The following UTP20 variants were observed in gnomAD, a reference collection of about 807,000 sequenced individuals.
UTP20 encodes UTP20 small subunit processome component, also known as small subunit processome component 20 homolog.
In UTP20, 164 loss-of-function variants were observed where a neutral mutation model predicts 329.5. The ratio of observed to expected loss-of-function variants is 0.50; its 90% CI spans 0.44 to 0.57. UTP20 has a LOEUF of 0.57. UTP20 is among the 20% of genes least tolerant of loss of function. UTP20 has a pLI of 0.00. For missense variants in UTP20, 3,055 were observed against 3,284.2 expected (o/e 0.93, Z 1.71); for synonymous variants, 1,151 against 1,159.3 (o/e 0.99, Z 0.14).
At chr12:101,344,350 T>C (rs2120942455) in intron 35 of UTP20, among the ~76,000 whole-genome samples, 1 of 152,330 alleles carries the variant, frequency 6.6e-6, no homozygotes, top group Middle Eastern at 3.4e-3. Context: ...ACAAGGACAT[T>C]TCATAGTGCT....
intron 17 of UTP20, among the ~76,000 whole-genome samples, chr12:101,307,920 T>C (rs1565789697): frequency 6.6e-6 from 1 of 152,196 alleles, no homozygotes; most frequent in Non-Finnish European, 1.5e-5. Context: ...TTTCAACAAA[T>C]GTTGCCAATC....
At chr12:101,285,949 A>G in intron 4 of UTP20, 68 bp downstream of exon 4, 1 of 1,581,612 alleles carries the variant, frequency 6.3e-7, no homozygotes, top group South Asian at 1.2e-5. Flanking sequence ...TTGTGTTTCA[A>G]AGCTACATAT....
Position 101,345,701 on chromosome 12 carries a change from G to GA in UTP20, c.4746+8dup, listed in dbSNP as rs149732654. ...GAACATGAAGCACATTCAGGTAGAAGACAATTCTGCTTTTTCCTACCTACG... is the reference window on the plus strand; with the variant it reads ...GAACATGAAGCACATTCAGGTAGAAGAACAATTCTGCTTTTTCCTACCTACG... On this transcript the variant is annotated splice_region_variant and intron_variant, in intron 37 of 61. Coordinates refer to ENST00000261637, the MANE Select transcript of UTP20 (RefSeq NM_014503.3). 300 of 1,603,862 alleles carry GA rather than the reference G, an allele frequency of 1.9e-4. No homozygotes were observed. The African/African-American group carries it at 3.8e-3, about 20-fold the overall frequency.
At chr12:101,303,892 G>A (rs1872589454) in intron 15 of UTP20, among the ~76,000 whole-genome samples, 2 of 152,200 alleles carry the variant, frequency 1.3e-5, no homozygotes, top group African/African-American at 4.8e-5. Flanking sequence ...ACTTCCTGTA[G>A]AGAGGATTAG....
chr12:101,365,072 T>TTGTGTGTGTGTGTGTGTGTG (rs60890980), intron 45 of UTP20, among the ~76,000 whole-genome samples: 9 of 141,914 alleles, frequency 6.3e-5, no homozygotes, highest in African/African-American at 1.4e-4. Flanking sequence ...ATTTTGTTGA[T>TTGTGTGTGTGTGTGTGTGTG]TGTGTGTGTG....
intron 21 of UTP20, among the ~76,000 whole-genome samples, chr12:101,312,545 G>A (rs1259813595): frequency 6.6e-6 from 1 of 152,162 alleles, no homozygotes; most frequent in African/African-American, 2.4e-5. Flanking sequence ...AGATTCAAGC[G>A]ATTCTCCTGC....
intron 27 of UTP20, 39 bp from the exon 28 acceptor site, chr12:101,333,261 TA>T: frequency 4.4e-6 from 7 of 1,594,908 alleles, no homozygotes; most frequent in Non-Finnish European, 6.0e-6. Context: ...ATAAAAATGA[TA>T]CATATGTATT....
At chr12:101,363,088 A>G (rs779327829) in intron 44 of UTP20, among the ~76,000 whole-genome samples, 2 of 104,598 alleles carry the variant, frequency 1.9e-5, no homozygotes, top group Non-Finnish European at 3.1e-5. Context: ...AGCTGAGATC[A>G]TGCCACTGCA....
intron 38 of UTP20, among the ~76,000 whole-genome samples, chr12:101,346,934 A>G (rs1869344319): frequency 6.6e-6 from 1 of 152,208 alleles, no homozygotes; most frequent in Non-Finnish European, 1.5e-5. Flanking sequence ...CAAATGATTT[A>G]CAAGAAATGA....
chr12:101,334,596 G>GT, intron 29 of UTP20, 92 bp downstream of exon 29: 2 of 1,070,852 alleles, frequency 1.9e-6, no homozygotes, highest in Non-Finnish European at 1.3e-6. Flanking sequence ...GTAATTTATG[G>GT]TCTTTCCATA....
rs761931846 is a variant in UTP20 at position 101,300,070 on chromosome 12, C to G, written c.1675+9C>G. ...AGGAAGCTTTGGGAAAGGTCAGTTACAATCATCATGTGTTCTCTTCTCTTC... is the reference window on the plus strand; with the variant it reads ...AGGAAGCTTTGGGAAAGGTCAGTTAGAATCATCATGTGTTCTCTTCTCTTC... On this transcript the variant is annotated intron_variant, in intron 14 of 61. Coordinates refer to ENST00000261637, the MANE Select transcript of UTP20 (RefSeq NM_014503.3). 5.0e-5 allele frequency: 81 copies of G among 1,612,066 alleles called. No individual in the cohort carries two copies. Among genetic ancestry groups the G allele is most frequent in the Non-Finnish European group, 6.7e-5 (79 of 1,178,210 alleles).
chr12:101,371,140 G>A lies in UTP20; in HGVS notation c.6770G>A (p.Ser2257Asn), dbSNP rs768579024. Reference protein sequence around the residue: ...KVSKLAVSAQSEPARVQCRQV... With the variant: ...KVSKLAVSAQNEPARVQCRQV... The stretch of plus-strand genomic sequence containing the variant: ...TCCAAGTTGGCAGTCTCTGCACAAA[G>A]CGAACCTGCCAGGGTCCAGTGTAGA... Residue 2257 changes from serine to asparagine, a missense_variant, in exon 51 of 62, where the codon AGC becomes AAC. By Grantham distance (46) the Ser-to-Asn change is conservative. This residue lies in a region of UTP20 where 273 missense variants were observed against 363.1 expected (regional missense o/e 0.75). Coordinates refer to ENST00000261637, the MANE Select transcript of UTP20 (RefSeq NM_014503.3). 1 of 1,614,062 alleles carries A rather than the reference G, an allele frequency of 6.2e-7. No individual in the cohort carries two copies. The highest frequency in any genetic ancestry group is 8.5e-7 in the Non-Finnish European group (1 of 1,179,966).
rs186981001 is a variant in UTP20 at position 101,303,568 on chromosome 12, G to A, written c.1781+1015G>A. On this transcript the variant is annotated intron_variant, in intron 15 of 61. Transcript: ENST00000261637. ...ATGCCAACGCTCTGTGGGGGTGGTGGGTGCCTGGCTTGAACAGCAAGGAGA... is the reference window on the plus strand; with the variant it reads ...ATGCCAACGCTCTGTGGGGGTGGTGAGTGCCTGGCTTGAACAGCAAGGAGA... 1.6e-4 allele frequency among the ~76,000 whole-genome samples: 24 copies of A among 152,294 alleles called. No homozygotes were observed. In the East Asian group the frequency reaches 2.9e-3, roughly 18 times the overall value.
intron 12 of UTP20, among the ~76,000 whole-genome samples, 173 bp downstream of exon 12, chr12:101,295,831 A>AT (rs1872328134): frequency 6.8e-6 from 1 of 146,028 alleles, no homozygotes; most frequent in South Asian, 2.3e-4. Context: ...GTATGATCTC[A>AT]TTTTGCAAGG....
At chr12:101,308,586 A>G (rs1050538741) in intron 18 of UTP20, among the ~76,000 whole-genome samples, 1 of 151,798 alleles carries the variant, frequency 6.6e-6, no homozygotes, top group Non-Finnish European at 1.5e-5. Flanking sequence ...CCATGTTAGT[A>G]CCTTTTTAGA....
intron 33 of UTP20, 84 bp downstream of exon 33, chr12:101,342,673 A>C (rs1869180424): frequency 6.5e-7 from 1 of 1,533,000 alleles, no homozygotes; most frequent in Admixed American, 2.0e-5. Context: ...GGCTTTCTTC[A>C]TGCCAGGGTG....
chr12:101,342,954 A>G lies in UTP20; in HGVS notation c.4310A>G (p.Asp1437Gly), dbSNP rs767171002. 5.0e-6 allele frequency: 8 copies of G among 1,613,272 alleles called. No homozygotes were observed. The highest frequency in any genetic ancestry group is 1.7e-5 in the Admixed American group (1 of 59,884). ...CATTTCTTATAGCTTAACGCCTTCG[A>G]TCAAAGACATCTTGATGATATCAAC... ...ITDVVKLNAF[D>G]QRHLDDINFD... The change falls in exon 35 of 62, where the codon GAT becomes GGT. Residue 1437 changes from aspartate to glycine, a missense_variant. Transcript: ENST00000261637.
chr12:101,317,484 G>A lies in UTP20; in HGVS notation c.2559G>A (p.Glu853=). Residue 853 remains glutamate (E), a synonymous_variant, in exon 22 of 62, where the codon GAG becomes GAA. Transcript: ENST00000261637. The stretch of plus-strand genomic sequence containing the variant: ...GACTTTCTTTCCACGGTAGCAATGA[G>A]TATTACCCAGCAGATCTGCAAGTTG... ...SPLFLRFINN[E]YYPADLQVAP... is the part of the protein sequence containing the mutation. The A allele has an allele frequency of 3.1e-6, 5 of 1,614,032 alleles. No individual in the cohort carries two copies. Among genetic ancestry groups the A allele is most frequent in the Non-Finnish European group, 4.2e-6 (5 of 1,179,966 alleles).
At position 101,330,753 on chromosome 12, in the gene UTP20, A is replaced by G. The variant is rs1475791397; in HGVS notation, c.3417+1304A>G. Among the ~76,000 whole-genome samples the G allele has an allele frequency of 5.3e-5, 8 of 152,356 alleles. No homozygotes were observed. The Middle Eastern group carries it at 0.01, about 194-fold the overall frequency. On this transcript the variant is annotated intron_variant, in intron 27 of 61. Coordinates refer to ENST00000261637, the MANE Select transcript of UTP20 (RefSeq NM_014503.3). The stretch of plus-strand genomic sequence containing the variant: ...CACATTTTTGGTTAACTTAGGAGTT[A>G]CTTAGTAATGCAGCCTCACTCCCAA...
Sources: gnomAD v4.1 joint callset for allele counts (sites outside exome capture counted in the v4.1 genomes callset) on GRCh38, gnomAD v4.1.1 for gene constraint, gnomAD v4.1.1 regional missense constraint, MANE v1.5 for transcripts, NCBI Gene and HGNC (gene_info 2026-07-23, HGNC 2026-07-21) for gene names.